SYT1: variants seen among roughly 807,000 people sequenced by gnomAD.
SYT1 encodes synaptotagmin 1, also known as synaptotagmin-1.
In SYT1, 8 loss-of-function variants were observed where a neutral mutation model predicts 44.8. The ratio of observed to expected loss-of-function variants is 0.18; its 90% CI spans 0.10 to 0.32. The LOEUF is 0.32. SYT1 is among the 10% of genes least tolerant of loss of function. The pLI is 1.00. For synonymous variants in SYT1, 154 were observed against 188.8 expected (o/e 0.82, Z 1.51); for missense variants, 286 against 509.3 (o/e 0.56, Z 4.22).
At chr12:78,929,826 G>T (rs1446953818) in intron 1 of SYT1, among the ~76,000 whole-genome samples, 3 of 152,142 alleles carry the variant, frequency 2.0e-5, no homozygotes, top group Admixed American at 2.0e-4. Context: ...TTCTGGTTTT[G>T]TATGTATGAT....
chr12:79,293,220 A>C (rs899552362), intron 6 of SYT1, among the ~76,000 whole-genome samples: 75 of 151,132 alleles, frequency 5.0e-4, no homozygotes, highest in African/African-American at 1.8e-3. Flanking sequence ...GCTACTCAGG[A>C]GGCTGAGGCA....
At chr12:79,384,511 T>C (rs1421528642) in intron 9 of SYT1, among the ~76,000 whole-genome samples, 1 of 152,196 alleles carries the variant, frequency 6.6e-6, no homozygotes, top group Non-Finnish European at 1.5e-5. Flanking sequence ...AATACTCAGC[T>C]TAACACTAGC....
At chr12:78,951,842 G>A (rs1051500777) in intron 1 of SYT1, among the ~76,000 whole-genome samples, 2 of 152,224 alleles carry the variant, frequency 1.3e-5, no homozygotes, top group African/African-American at 4.8e-5. Flanking sequence ...GGCTACGTGA[G>A]TGCTTTCTGG....
intron 1 of SYT1, among the ~76,000 whole-genome samples, chr12:78,975,332 T>A (rs765426941): frequency 1.3e-5 from 2 of 152,096 alleles, no homozygotes; most frequent in Non-Finnish European, 2.9e-5. Context: ...GCAGGACGAG[T>A]TCAGAGAAGG....
intron 3 of SYT1, among the ~76,000 whole-genome samples, chr12:79,143,710 C>A (rs1375042484): frequency 1.3e-5 from 2 of 152,086 alleles, no homozygotes; most frequent in Non-Finnish European, 2.9e-5. Flanking sequence ...AAATCACATT[C>A]TCTGATGAAA....
At chr12:79,318,980 T>G (rs7316391) in intron 8 of SYT1, among the ~76,000 whole-genome samples, 1,609 of 152,302 alleles carry the variant, frequency 0.011, 31 homozygotes, top group African/African-American at 0.036. Context: ...GCCCGCCTGA[T>G]ATAAAATAAA....
chr12:78,872,535 T>C (rs1034806209), intron 1 of SYT1, among the ~76,000 whole-genome samples: 11 of 151,902 alleles, frequency 7.2e-5, no homozygotes, highest in Non-Finnish European at 1.5e-4. Context: ...AAGAATGATA[T>C]AGGAATTCCT....
At chr12:79,189,836 G>A (rs954988974) in intron 3 of SYT1, among the ~76,000 whole-genome samples, 14 of 152,132 alleles carry the variant, frequency 9.2e-5, no homozygotes, top group Admixed American at 1.3e-4. Flanking sequence ...CCCAGGAGGC[G>A]GAGGTTGCAG....
chr12:79,006,804 C>T (rs1273736719), intron 2 of SYT1, among the ~76,000 whole-genome samples: 1 of 152,108 alleles, frequency 6.6e-6, no homozygotes, highest in African/African-American at 2.4e-5. Flanking sequence ...ATCAGCCATG[C>T]TGATGCTTTT....
rs140910525 is a variant in SYT1 at position 79,341,817 on chromosome 12, C to T, written c.811-11685C>T. 5.4e-3 allele frequency among the ~76,000 whole-genome samples: 814 copies of T among 151,800 alleles called. 6 individuals are homozygous for T. The highest frequency in any genetic ancestry group is 0.018 in the African/African-American group (763 of 41,426). ...CCAAGTAGCTGGGACTATAGGCACCCGCCACCATGCCCAGCTAATTTTTTG... is the reference window on the plus strand; with the variant it reads ...CCAAGTAGCTGGGACTATAGGCACCTGCCACCATGCCCAGCTAATTTTTTG... On this transcript the variant is annotated intron_variant, in intron 8 of 10. Coordinates refer to ENST00000261205, the MANE Select transcript of SYT1 (RefSeq NM_005639.3).
chr12:79,062,468 T>C (rs1203626421), intron 3 of SYT1, among the ~76,000 whole-genome samples: 8 of 152,328 alleles, frequency 5.3e-5, no homozygotes, highest in Non-Finnish European at 4.4e-5. Flanking sequence ...TGAGTGCTTA[T>C]TATCATTCTG....
At chr12:79,324,422 G>A (rs2138990430) in intron 8 of SYT1, among the ~76,000 whole-genome samples, 1 of 152,214 alleles carries the variant, frequency 6.6e-6, no homozygotes, top group East Asian at 1.9e-4. Flanking sequence ...AGACCCACAT[G>A]ACCCCGCCTT....
At chr12:79,328,582 C>T (rs1456599836) in intron 8 of SYT1, among the ~76,000 whole-genome samples, 1 of 152,196 alleles carries the variant, frequency 6.6e-6, no homozygotes, top group African/African-American at 2.4e-5. Context: ...TGCGGTGGCT[C>T]ACGCCTGTAA....
At chr12:79,439,088 C>A (rs1223925466) in intron 9 of SYT1, among the ~76,000 whole-genome samples, 1 of 152,148 alleles carries the variant, frequency 6.6e-6, no homozygotes, top group Non-Finnish European at 1.5e-5. Context: ...TTCTCTAATT[C>A]CTCATTTTCA....
chr12:79,374,598 AC>A (rs1435946878), intron 9 of SYT1, among the ~76,000 whole-genome samples: 4 of 152,222 alleles, frequency 2.6e-5, no homozygotes, highest in African/African-American at 7.2e-5. Flanking sequence ...TAGTTTCAGG[AC>A]ATTCAATGTC....
At chr12:79,271,869 G>A (rs1359445582) in intron 4 of SYT1, among the ~76,000 whole-genome samples, 2 of 152,070 alleles carry the variant, frequency 1.3e-5, no homozygotes, top group Admixed American at 1.3e-4. Context: ...TTCTTGTATG[G>A]GAAGAGAGTT....
chr12:79,081,459 A>G (rs1020301403), intron 3 of SYT1, among the ~76,000 whole-genome samples: 4 of 151,250 alleles, frequency 2.6e-5, no homozygotes, highest in African/African-American at 9.7e-5. Context: ...GGCTCACTAC[A>G]ACCTCTGTCT....
At chr12:79,159,257 G>A (rs1393119081) in intron 3 of SYT1, among the ~76,000 whole-genome samples, 1 of 152,178 alleles carries the variant, frequency 6.6e-6, no homozygotes, top group Non-Finnish European at 1.5e-5. Flanking sequence ...GGTAGGTTTA[G>A]AGATGATGCA....
intron 3 of SYT1, among the ~76,000 whole-genome samples, chr12:79,117,997 G>A (rs147798786): frequency 6.6e-6 from 1 of 151,976 alleles, no homozygotes; most frequent in East Asian, 1.9e-4. Flanking sequence ...AGCTAGACAC[G>A]TGGATTAGCA....
Sources: gnomAD v4.1 joint callset for allele counts (sites outside exome capture counted in the v4.1 genomes callset) on GRCh38, gnomAD v4.1.1 for gene constraint, MANE v1.5 for transcripts, NCBI Gene and HGNC (gene_info 2026-07-23, HGNC 2026-07-21) for gene names.